ANKRD30A: variants seen among roughly 807,000 people sequenced by gnomAD.
ANKRD30A encodes the protein ankyrin repeat domain 30A.
ANKRD30A carries 170 observed loss-of-function variants against 166.3 expected under a neutral mutation model. The observed-to-expected ratio is 1.02, with a 90% confidence interval of 0.90 to 1.16. ANKRD30A has a LOEUF of 1.16. ANKRD30A is among the 50% of genes most tolerant of loss of function. ANKRD30A has a pLI of 0.00. For missense variants in ANKRD30A, 1,630 were observed against 1,518.0 expected, an observed-to-expected ratio of 1.07 and a Z score of -1.23; for synonymous variants, 564 against 508.9, an observed-to-expected ratio of 1.11 and a Z score of -1.46.
chr10:37,136,711 C>A, intron 6 of ANKRD30A, 40 bp downstream of exon 6: 1 of 1,187,774 alleles, frequency 8.4e-7, no homozygotes, highest in Non-Finnish European at 1.2e-6. Flanking sequence ...GTGGTGCTAT[C>A]ATAAGATTAT....
chr10:37,220,516 A>G (rs1842851861), intron 34 of ANKRD30A, among the ~76,000 whole-genome samples: 1 of 151,186 alleles, frequency 6.6e-6, no homozygotes, highest in African/African-American at 2.4e-5. Flanking sequence ...CAAATTATGT[A>G]TTGTTATAAC....
At chr10:37,217,965 A>G in intron 33 of ANKRD30A, 87 bp downstream of exon 33, 2 of 982,172 alleles carry the variant, frequency 2.0e-6, no homozygotes, top group South Asian at 4.8e-5. Context: ...AGTATGTATT[A>G]TTCAGGTCTA....
the ANKRD30A span, among the ~76,000 whole-genome samples, chr10:37,246,633 G>T: frequency 6.6e-6 from 1 of 152,202 alleles, no homozygotes; most frequent in Non-Finnish European, 1.5e-5. Context: ...TAGCCAGGGG[G>T]TTCTTTCTGT....
At position 37,134,026 on chromosome 10, in the gene ANKRD30A, A is replaced by G. The variant is rs1337048304; in HGVS notation, c.728A>G (p.His243Arg). ...GATATATGTGGAGTAACTGCAGAAC[A>G]TTATGCTGTTACTTGTGGATTTCAT... ...AADICGVTAE[H>R]YAVTCGFHHI... Residue 243 changes from histidine (H) to arginine (R), a missense_variant, in exon 5 of 36, where the codon CAT (histidine) becomes CGT (arginine). His to Arg is a conservative substitution (Grantham distance 29). Coordinates refer to ENST00000361713, the MANE Select transcript of ANKRD30A (RefSeq NM_052997.3). 2 of 1,613,908 alleles carry G rather than the reference A, an allele frequency of 1.2e-6. No individual in the cohort carries two copies. The highest frequency in any genetic ancestry group is 1.7e-5 in the Admixed American group (1 of 60,000).
intron 31 of ANKRD30A, among the ~76,000 whole-genome samples, chr10:37,211,802 C>T (rs983577647): frequency 1.2e-4 from 18 of 152,046 alleles, no homozygotes; most frequent in African/African-American, 3.1e-4. Context: ...CCTGTTGTTT[C>T]CTGACTTTTT....
rs1782089 is a variant in ANKRD30A at position 37,194,876 on chromosome 10, A to G, written c.2614+1618A>G. 1.1e-4 allele frequency among the ~76,000 whole-genome samples: 17 copies of G among 152,260 alleles called. No individual in the cohort carries two copies. In the East Asian group the frequency reaches 1.2e-3, roughly 10 times the overall value. ...ATCACAGAGCTTTTACTGAAGTGGG[A>G]GTATTTACTGCTTCATCCACTGTTA... On this transcript the variant is annotated intron_variant, in intron 27 of 35. Transcript: ENST00000361713.
intron 31 of ANKRD30A, among the ~76,000 whole-genome samples, chr10:37,213,379 T>C (rs1423323507): frequency 6.6e-6 from 1 of 151,754 alleles, no homozygotes; most frequent in East Asian, 1.9e-4. Context: ...AATCCATTTA[T>C]GAAGGGTTGG....
chr10:37,193,680 A>C (rs1840791392), intron 27 of ANKRD30A, among the ~76,000 whole-genome samples: 1 of 152,034 alleles, frequency 6.6e-6, no homozygotes, highest in Non-Finnish European at 1.5e-5. Flanking sequence ...TAAGAAAATC[A>C]GTTTTTTTTT....
At chr10:37,232,655 TA>T (rs1245506890), downstream of ANKRD30A, 11 of 1,588 alleles carry the variant, frequency 6.9e-3, no homozygotes, top group Middle Eastern at 0.33. Flanking sequence ...GCATTGGTTT[TA>T]TATATATATA....
intron 31 of ANKRD30A, among the ~76,000 whole-genome samples, chr10:37,210,582 A>G (rs1490679660): frequency 2.6e-5 from 4 of 152,184 alleles, no homozygotes; most frequent in East Asian, 3.9e-4. Context: ...CACTCCCACC[A>G]ACAGTGTAAA....
chr10:37,241,270 A>G, the ANKRD30A span: 2 of 151,444 alleles, frequency 1.3e-5, no homozygotes, highest in South Asian at 2.1e-4. Flanking sequence ...ATCAGAAAAA[A>G]AAGGTACTAA....
At chr10:37,194,407 T>C (rs1348003777) in intron 27 of ANKRD30A, among the ~76,000 whole-genome samples, 1 of 151,414 alleles carries the variant, frequency 6.6e-6, no homozygotes, top group Non-Finnish European at 1.5e-5. Flanking sequence ...CATGGCGCCA[T>C]CTCGGCTCAT....
Position 37,125,827 on chromosome 10 carries a change from G to T in ANKRD30A, c.40G>T (p.Gly14Cys). 1 of 926,250 alleles carries T rather than the reference G, an allele frequency of 1.1e-6. No individual in the cohort carries two copies. Among genetic ancestry groups the T allele is most frequent in the Non-Finnish European group, 1.7e-6 (1 of 597,766 alleles). The allele number at this position is 926,250 out of a possible 1,614,324, so 57.4% of individuals were successfully genotyped here. A position where few individuals can be genotyped will look rare whatever the true frequency, so the allele number is the denominator to read the frequency against. ...TGCCGCCGCTGTCAAGGTCGTGCCGGGCCCGGAGCGCCCGAGCCCTTTCAG... is the reference window on the plus strand; with the variant it reads ...TGCCGCCGCTGTCAAGGTCGTGCCGTGCCCGGAGCGCCCGAGCCCTTTCAG... Reference protein sequence around the residue: ...ISAAAVKVVPGPERPSPFSQL... With the variant: ...ISAAAVKVVPCPERPSPFSQL... Residue 14 changes from glycine to cysteine, a missense_variant, in exon 1 of 36, where the codon GGC becomes TGC. Transcript: ENST00000361713.
rs879046249 is a variant in ANKRD30A at position 37,132,252 on chromosome 10, C to A, written c.523C>A (p.Pro175Thr). ...TGCTATTTTACAGGCTAGCCTCACACCACTTTTACTATCCATAACGAAAAG... is the reference window on the plus strand; with the variant it reads ...TGCTATTTTACAGGCTAGCCTCACAACACTTTTACTATCCATAACGAAAAG... ...IEVHNKASLTPLLLSITKRSE... is the reference protein window; with the variant it reads ...IEVHNKASLTTLLLSITKRSE... Residue 175 changes from proline (P) to threonine (T), a missense_variant, in exon 4 of 36, where the codon CCA becomes ACA. By Grantham distance (38) the Pro-to-Thr change is conservative. Transcript: ENST00000361713. 4 of 1,589,560 alleles carry A rather than the reference C, an allele frequency of 2.5e-6. No individual in the cohort carries two copies. In the Admixed American group the frequency reaches 7.2e-5, roughly 29 times the overall value.
At chr10:37,243,158 G>A in the ANKRD30A span, among the ~76,000 whole-genome samples, 2 of 139,896 alleles carry the variant, frequency 1.4e-5, no homozygotes, top group Non-Finnish European at 3.1e-5. Context: ...TTTTTGAGAC[G>A]GAGTCTCGCT....
intron 19 of ANKRD30A, 28 bp downstream of exon 19, chr10:37,166,723 AT>A (rs1364469790): frequency 6.2e-7 from 1 of 1,607,300 alleles, no homozygotes; most frequent in Non-Finnish European, 8.5e-7. Flanking sequence ...TTTAAAAATC[AT>A]TTGACCAAAT....
intron 17 of ANKRD30A, among the ~76,000 whole-genome samples, 178 bp from the exon 18 acceptor site, chr10:37,164,916 T>G (rs1462331885): frequency 6.6e-6 from 1 of 152,136 alleles, no homozygotes; most frequent in Non-Finnish European, 1.5e-5. Context: ...TGTCAGAGTT[T>G]TTAGATTTCA....
chr10:37,192,968 G>A, intron 25 of ANKRD30A, 96 bp from the exon 26 acceptor site: 1 of 1,478,114 alleles, frequency 6.8e-7, no homozygotes, highest in Non-Finnish European at 9.4e-7. Context: ...TGCAATCCAA[G>A]CATGAGGATT....
intron 7 of ANKRD30A, among the ~76,000 whole-genome samples, chr10:37,144,077 T>A (rs913790493): frequency 2.0e-5 from 3 of 152,052 alleles, no homozygotes; most frequent in Admixed American, 2.0e-4. Context: ...TTTTACTGAA[T>A]TTTTTTTAAC....
Sources: gnomAD v4.1 joint callset for allele counts (sites outside exome capture counted in the v4.1 genomes callset) on GRCh38, gnomAD v4.1.1 for gene constraint, MANE v1.5 for transcripts, NCBI Gene and HGNC (gene_info 2026-07-23, HGNC 2026-07-21) for gene names.